Variants in LRFN5 observed in about 807,000 individuals in gnomAD.
LRFN5 encodes leucine-rich repeat and fibronectin type-III domain-containing protein 5.
LRFN5 carries 24 observed loss-of-function variants against 45.6 expected under a neutral mutation model. The observed-to-expected ratio is 0.53, with a 90% confidence interval of 0.38 to 0.74. The LOEUF (loss-of-function observed/expected upper bound fraction) is 0.74. Among genes scored for constraint, LRFN5 ranks in the 30% least tolerant of loss-of-function variants. LRFN5 has a pLI of 0.00. For synonymous variants in LRFN5, 340 were observed against 313.8 expected (o/e 1.08, Z -0.88); for missense variants, 776 against 861.5 (o/e 0.90, Z 1.24).
intron 1 of LRFN5, among the ~76,000 whole-genome samples, chr14:41,731,540 T>A (rs1884176977): frequency 6.6e-6 from 1 of 152,130 alleles, no homozygotes. Context: ...TCCCTCTTTC[T>A]AGTATAGTTA....
intron 2 of LRFN5, among the ~76,000 whole-genome samples, chr14:41,806,929 AC>A (rs1336162342): frequency 1.3e-5 from 2 of 152,044 alleles, no homozygotes; most frequent in Non-Finnish European, 2.9e-5. Context: ...CTGAAGCCCT[AC>A]CCCTAAACTA....
Position 41,891,261 on chromosome 14 carries a change from C to T in LRFN5, c.1397C>T (p.Pro466Leu). ...CCATTGTCCCTCAGAATGATACCTC[C>T]TACGAGCAAAACTTTTCTGGTCAAT... ...DDTLVYRMIPPTSKTFLVNNL... is the reference protein window; with the variant it reads ...DDTLVYRMIPLTSKTFLVNNL... Residue 466 changes from proline (P) to leucine (L), a missense_variant, in exon 4 of 6, where the codon CCT becomes CTT. This residue lies in a region of LRFN5 where 465 missense variants were observed against 456.4 expected (regional missense o/e 1.02). Transcript: ENST00000298119. 6.2e-7 allele frequency: 1 copy of T among 1,613,276 alleles called. No homozygotes were observed. The highest frequency in any genetic ancestry group is 8.5e-7 in the Non-Finnish European group (1 of 1,179,974).
chr14:41,614,284 T>C (rs1424754827), intron 1 of LRFN5, among the ~76,000 whole-genome samples: 2 of 152,100 alleles, frequency 1.3e-5, no homozygotes, highest in Non-Finnish European at 2.9e-5. Context: ...TGGATAGATA[T>C]CTTGACATCA....
At chr14:41,612,164 C>G (rs1887779204) in intron 1 of LRFN5, among the ~76,000 whole-genome samples, 1 of 152,058 alleles carries the variant, frequency 6.6e-6, no homozygotes, top group Admixed American at 6.6e-5. Context: ...TTCTGCTGAC[C>G]TATTGCTGTG....
Position 41,891,846 on chromosome 14 carries a change from C to A in LRFN5, c.1982C>A (p.Thr661Lys). The change falls in exon 4 of 6, where the codon ACA becomes AAA. Residue 661 changes from threonine (T) to lysine (K), a missense_variant. Transcript: ENST00000298119. Reference sequence around the variant, plus strand: ...ACAGAACCACAGAATGAAGCCGTCACAAATGTTGAATCCCAAAACACTAAC... The same window carrying A: ...ACAGAACCACAGAATGAAGCCGTCAAAAATGTTGAATCCCAAAACACTAAC... ...PSTEPQNEAV[T>K]NVESQNTNRN... 1 of 1,614,150 alleles carries A rather than the reference C, an allele frequency of 6.2e-7. No individual in the cohort carries two copies. Among genetic ancestry groups the A allele is most frequent in the Non-Finnish European group, 8.5e-7 (1 of 1,180,040 alleles).
chr14:41,838,332 C>T (rs953208468), intron 2 of LRFN5, among the ~76,000 whole-genome samples: 2 of 152,072 alleles, frequency 1.3e-5, no homozygotes, highest in African/African-American at 4.8e-5. Flanking sequence ...GTATCACATA[C>T]CCAAGGGAGA....
intron 1 of LRFN5, among the ~76,000 whole-genome samples, chr14:41,659,886 T>C (rs548810537): frequency 6.6e-6 from 1 of 150,450 alleles, no homozygotes; most frequent in Non-Finnish European, 1.5e-5. Context: ...TCACCCACTT[T>C]TTGATGTTTT....
At chr14:41,890,898 C>T (rs1890757813) in intron 3 of LRFN5, among the ~76,000 whole-genome samples, 1 of 152,182 alleles carries the variant, frequency 6.6e-6, no homozygotes, top group East Asian at 1.9e-4. Context: ...ATTGTAAGTG[C>T]TAAATGGATT....
intron 1 of LRFN5, among the ~76,000 whole-genome samples, chr14:41,686,576 C>G (rs1244984718): frequency 6.6e-6 from 1 of 151,910 alleles, no homozygotes; most frequent in Non-Finnish European, 1.5e-5. Context: ...CCACTTTTGC[C>G]TATTCAATAT....
intron 1 of LRFN5, among the ~76,000 whole-genome samples, chr14:41,641,692 C>A (rs1458566213): frequency 6.6e-6 from 1 of 151,858 alleles, no homozygotes; most frequent in South Asian, 2.1e-4. Flanking sequence ...GTGTCCCAAA[C>A]CTGATATTAA....
intron 1 of LRFN5, among the ~76,000 whole-genome samples, chr14:41,627,378 G>A (rs1490190015): frequency 6.6e-6 from 1 of 152,028 alleles, no homozygotes; most frequent in East Asian, 1.9e-4. Context: ...ACACAAAAAT[G>A]AAACTTTATA....
At chr14:41,792,107 G>C (rs1205677766) in intron 2 of LRFN5, among the ~76,000 whole-genome samples, 2 of 152,016 alleles carry the variant, frequency 1.3e-5, no homozygotes, top group Non-Finnish European at 2.9e-5. Context: ...TGCCGGGGGT[G>C]ACATCACATA....
At chr14:41,702,493 C>A (rs1028631738) in intron 1 of LRFN5, among the ~76,000 whole-genome samples, 5 of 152,210 alleles carry the variant, frequency 3.3e-5, no homozygotes, top group African/African-American at 1.2e-4. Context: ...GACAGGGTCT[C>A]GCTCTTTCAC....
chr14:41,675,409 C>T lies in LRFN5; in HGVS notation c.-197+66847C>T, dbSNP rs1164855857. Among the ~76,000 whole-genome samples, 11 of 152,330 alleles carry T rather than the reference C, an allele frequency of 7.2e-5. 1 individual carries two copies. Among genetic ancestry groups the T allele is most frequent in the South Asian group, 6.2e-4 (3 of 4,828 alleles). ...CGCTGTTAGGAGCTGGAGACCAGCC[C>T]GGCCAACACAGCGAAACCCCGTCTC... is the stretch of plus-strand genomic sequence containing the variant. On this transcript the variant is annotated intron_variant, in intron 1 of 5. Transcript: ENST00000298119.
At chr14:41,640,389 G>T (rs1007238636) in intron 1 of LRFN5, among the ~76,000 whole-genome samples, 2 of 152,020 alleles carry the variant, frequency 1.3e-5, no homozygotes, top group African/African-American at 4.8e-5. Context: ...GGACGTCAAA[G>T]AACCATATAT....
intron 1 of LRFN5, among the ~76,000 whole-genome samples, chr14:41,674,912 C>T (rs1317729066): frequency 6.6e-6 from 1 of 151,716 alleles, no homozygotes. Flanking sequence ...AGACGCTCCT[C>T]ACCTCCCAGA....
intron 1 of LRFN5, among the ~76,000 whole-genome samples, chr14:41,736,285 A>G (rs28872918): frequency 2.1e-4 from 32 of 152,280 alleles, no homozygotes; most frequent in African/African-American, 6.7e-4. Flanking sequence ...CTGACTTTTT[A>G]AAGATCACCA....
chr14:41,764,386 G>T (rs1012781273), intron 1 of LRFN5, among the ~76,000 whole-genome samples: 2 of 152,034 alleles, frequency 1.3e-5, no homozygotes, highest in African/African-American at 4.8e-5. Context: ...ATGTTTTATG[G>T]TAGCTGGCAC....
At chr14:41,809,220 T>A (rs1179608708) in intron 2 of LRFN5, among the ~76,000 whole-genome samples, 1 of 152,078 alleles carries the variant, frequency 6.6e-6, no homozygotes, top group Non-Finnish European at 1.5e-5. Context: ...TTAAACAAAT[T>A]ATGAAATAGT....
Sources: allele counts gnomAD v4.1 joint callset (sites outside exome capture counted in the v4.1 genomes callset), GRCh38; gene constraint gnomAD v4.1.1; regional missense constraint gnomAD v4.1.1; transcripts MANE v1.5; gene names NCBI Gene and HGNC (gene_info 2026-07-23, HGNC 2026-07-21).